The following CCR6 variants were observed in gnomAD, a reference collection of about 807,000 sequenced individuals.
The protein encoded by CCR6 is C-C motif chemokine receptor 6.
Under a neutral mutation model 3.0 loss-of-function variants are expected in CCR6, and 2 were observed. That is an observed-to-expected ratio of 0.66 (90% CI 0.27 to 2.07). The LOEUF is 2.07. CCR6 is among the 30% of genes most tolerant of loss of function. CCR6 has a pLI of 0.14. For missense variants in CCR6, 322 were observed against 462.8 expected (o/e 0.70, Z 2.79); for synonymous variants, 193 against 184.3 (o/e 1.05, Z -0.38).
chr6:167,132,482 C>G (rs973518925), intron 1 of CCR6, among the ~76,000 whole-genome samples: 2 of 152,082 alleles, frequency 1.3e-5, no homozygotes, highest in East Asian at 1.9e-4. Flanking sequence ...GCTTCCAGCC[C>G]CCTGTTTAAT....
At chr6:167,117,286 T>G (rs1027259888) in intron 1 of CCR6, among the ~76,000 whole-genome samples, 7 of 151,782 alleles carry the variant, frequency 4.6e-5, no homozygotes, top group African/African-American at 1.7e-4. Context: ...AGCTGCATCT[T>G]ATGTCAGAAG....
rs1781855533 is a variant in CCR6, at chr6:167,136,721, G to A, written c.491G>A (p.Ser164Asn). 1 of 1,614,100 alleles carries A rather than the reference G, an allele frequency of 6.2e-7. No homozygotes were observed. ...CTCCGATCCAGAACACTACCGCGCA[G>A]CAAAATCATCTGCCTTGTTGTGTGG... is the stretch of plus-strand genomic sequence containing the variant. ...FRLRSRTLPR[S>N]KIICLVVWGL... The change falls in exon 3 of 3, where the codon AGC (serine) becomes AAC (asparagine). Residue 164 changes from serine to asparagine, a missense_variant. Ser to Asn is a conservative substitution (Grantham distance 46, BLOSUM62 1). Transcript: ENST00000341935. The surrounding 1 kb of genome is among the most constrained non-coding windows in gnomAD (Gnocchi z 4.6).
chr6:167,130,656 A>G (rs1227651725), intron 1 of CCR6, among the ~76,000 whole-genome samples: 3 of 151,832 alleles, frequency 2.0e-5, no homozygotes, highest in Admixed American at 2.0e-4. Context: ...TTTTATGGAG[A>G]ATCCTGATTC....
At chr6:167,131,779 G>A (rs1203367748) in intron 1 of CCR6, among the ~76,000 whole-genome samples, 3 of 152,196 alleles carry the variant, frequency 2.0e-5, no homozygotes, top group Non-Finnish European at 4.4e-5. Context: ...ATGGCACTAA[G>A]TGTCTGTTCC....
At chr6:167,122,300 G>A (rs932767612), upstream of CCR6, among the ~76,000 whole-genome samples, 2 of 152,206 alleles carry the variant, frequency 1.3e-5, no homozygotes, top group Admixed American at 6.5e-5. This position sits in a 1 kb window ranked among gnomAD's most constrained non-coding sequence, Gnocchi z 4.2. Context: ...ACCCAGGTGC[G>A]AACAGCCTTG....
In CCR6 at chr6:167,139,065, T is replaced by C. The variant is rs1170009470; in HGVS notation, c.*1710T>C. On this transcript the variant is annotated 3_prime_UTR_variant, in exon 3 of 3. Transcript: ENST00000341935. The stretch of plus-strand genomic sequence containing the variant: ...TATCTCTCTTTAAAATGCAAAATAA[T>C]GTCTTAAGATTCAAAGTCTGTATTT... 6.6e-6 allele frequency: 1 copy of C among 152,244 alleles called. No homozygotes were observed. Among genetic ancestry groups the C allele is most frequent in the Non-Finnish European group, 1.5e-5 (1 of 68,028 alleles). 9.4% of individuals were successfully genotyped at this position (152,244 alleles called of 1,614,324 possible). A position where few individuals can be genotyped will look rare whatever the true frequency, so the allele number is the denominator to read the frequency against.
upstream of CCR6, among the ~76,000 whole-genome samples, chr6:167,122,217 G>T (rs1220371885): frequency 2.0e-5 from 3 of 152,182 alleles, no homozygotes; most frequent in African/African-American, 7.2e-5. The surrounding 1 kb of genome is among the most constrained non-coding windows in gnomAD (Gnocchi z 4.2). Flanking sequence ...GAGTCCATCA[G>T]GCTGGCTGAG....
At chr6:167,120,840 G>C (rs940045660), upstream of CCR6, 1 of 152,242 alleles carries the variant, frequency 6.6e-6, no homozygotes, top group Non-Finnish European at 1.5e-5. Flanking sequence ...ATAAGAGTGA[G>C]ATCTAAGAGG....
chr6:167,119,555 C>A (rs1427248207), upstream of CCR6, among the ~76,000 whole-genome samples: 4 of 152,114 alleles, frequency 2.6e-5, no homozygotes, highest in Admixed American at 1.3e-4. Flanking sequence ...ATTTTCAGGC[C>A]AGCTACTTTA....
chr6:167,127,420 A>G (rs2114924072), intron 1 of CCR6: 1 of 152,352 alleles, frequency 6.6e-6, no homozygotes, highest in African/African-American at 2.4e-5. Flanking sequence ...TAATGTCTTA[A>G]TATACTAGCC....
At chr6:167,135,275 G>T (rs1195575974) in intron 1 of CCR6, among the ~76,000 whole-genome samples, 3 of 152,242 alleles carry the variant, frequency 2.0e-5, no homozygotes, top group Non-Finnish European at 2.9e-5. Context: ...CCTCCAGGAA[G>T]TCTTTCCTAA....
chr6:167,117,502 C>G (rs1465146433), intron 1 of CCR6, among the ~76,000 whole-genome samples: 1 of 149,868 alleles, frequency 6.7e-6, no homozygotes, highest in African/African-American at 2.5e-5. Flanking sequence ...CTGCAAGCTC[C>G]GCCTCCCGGG....
At position 167,137,028 on chromosome 6, in the gene CCR6, T is replaced by C; in HGVS notation, c.798T>C (p.Cys266=). The C allele has an allele frequency of 1.2e-6, 2 of 1,614,204 alleles. No homozygotes were observed. The highest frequency in any genetic ancestry group is 1.7e-6 in the Non-Finnish European group (2 of 1,180,038). The part of the protein sequence containing the change: ...IIAVVLVFLA[C]QIPHNMVLLV... ...CTGTGGTGCTTGTGTTTCTGGCTTG[T>C]CAGATTCCTCATAACATGGTCCTGC... Residue 266 remains cysteine, a synonymous_variant, in exon 3 of 3, where the codon TGT becomes TGC. Transcript: ENST00000341935. The surrounding 1 kb of genome is among the most constrained non-coding windows in gnomAD (Gnocchi z 4.6).
At chr6:167,135,224 A>G (rs1781832038) in intron 1 of CCR6, among the ~76,000 whole-genome samples, 1 of 152,222 alleles carries the variant, frequency 6.6e-6, no homozygotes, top group Non-Finnish European at 1.5e-5. Context: ...TCATTGGCCC[A>G]TAGCCTCACC....
At chr6:167,135,855 A>G (rs2114938794) in intron 1 of CCR6, among the ~76,000 whole-genome samples, 183 bp from the exon 2 acceptor site, 1 of 152,322 alleles carries the variant, frequency 6.6e-6, no homozygotes, top group Non-Finnish European at 1.5e-5. Context: ...AAGCCCTAAA[A>G]TATTTACTAT....
chr6:167,135,904 C>T (rs899834345), intron 1 of CCR6, 134 bp from the exon 2 acceptor site: 3 of 523,520 alleles, frequency 5.7e-6, no homozygotes, highest in African/African-American at 3.9e-5. Context: ...TGCCTATTCT[C>T]AATGAATATT....
chr6:167,114,590 G>A (rs1474440215), intron 1 of CCR6, among the ~76,000 whole-genome samples: 5 of 152,224 alleles, frequency 3.3e-5, no homozygotes, highest in Non-Finnish European at 5.9e-5. Flanking sequence ...ACCCTGGCAC[G>A]GAGATGAGCA....
chr6:167,119,833 A>G (rs1170406030), upstream of CCR6, among the ~76,000 whole-genome samples: 1 of 152,176 alleles, frequency 6.6e-6, no homozygotes, highest in Non-Finnish European at 1.5e-5. Context: ...TGGGCTCGGT[A>G]GTCTATGTTT....
chr6:167,113,808 G>C (rs6908364), intron 1 of CCR6, among the ~76,000 whole-genome samples: 6 of 152,188 alleles, frequency 3.9e-5, no homozygotes, highest in Admixed American at 3.9e-4. Flanking sequence ...ATCCTTCAGC[G>C]TTCAGATGAC....
Sources: gnomAD v4.1 joint callset for allele counts (sites outside exome capture counted in the v4.1 genomes callset) on GRCh38, gnomAD v4.1.1 for gene constraint, Gnocchi (gnomAD v3.1) non-coding constraint, MANE v1.5 for transcripts, NCBI Gene and HGNC (gene_info 2026-07-23, HGNC 2026-07-21) for gene names.